ERBB4: variants seen among roughly 807,000 people sequenced by gnomAD.
ERBB4 encodes the protein receptor tyrosine-protein kinase erbB-4.
ERBB4 carries 42 observed loss-of-function variants against 158.0 expected under a neutral mutation model. That is an observed-to-expected ratio of 0.27 (90% confidence interval 0.21 to 0.34). The LOEUF (loss-of-function observed/expected upper bound fraction) is 0.34, where lower values mean the gene tolerates loss of function less well. Among genes scored for constraint, ERBB4 ranks in the 10% least tolerant of loss-of-function variants. ERBB4 has a pLI of 1.00. For missense variants in ERBB4, 1,333 were observed against 1,624.1 expected, an observed-to-expected ratio of 0.82 and a Z score of 3.08; for synonymous variants, 583 against 558.7, an observed-to-expected ratio of 1.04 and a Z score of -0.61.
chr2:211,718,071 C>A (rs941863421), intron 7 of ERBB4, among the ~76,000 whole-genome samples: 1 of 152,026 alleles, frequency 6.6e-6, no homozygotes, highest in Non-Finnish European at 1.5e-5. Flanking sequence ...GCCACCACGA[C>A]CGGATAATTT....
At chr2:212,472,721 T>A (rs978381201) in intron 1 of ERBB4, among the ~76,000 whole-genome samples, 8 of 150,692 alleles carry the variant, frequency 5.3e-5, no homozygotes, top group African/African-American at 1.7e-4. Context: ...AAAAATGTCA[T>A]GTGTTTGCAT....
At chr2:211,429,430 A>C (rs972650076) in intron 21 of ERBB4, among the ~76,000 whole-genome samples, 10 of 152,236 alleles carry the variant, frequency 6.6e-5, no homozygotes, top group Non-Finnish European at 1.2e-4. Flanking sequence ...ACCATTTTCA[A>C]AATAGGAACT....
intron 2 of ERBB4, among the ~76,000 whole-genome samples, chr2:212,097,609 C>G (rs746211478): frequency 1.3e-5 from 2 of 151,956 alleles, no homozygotes; most frequent in East Asian, 1.9e-4. Context: ...ATGAAATATA[C>G]CATACTATCA....
At chr2:211,514,180 A>G (rs980079283) in intron 20 of ERBB4, among the ~76,000 whole-genome samples, 4 of 151,810 alleles carry the variant, frequency 2.6e-5, no homozygotes, top group Non-Finnish European at 5.9e-5. Context: ...TCTATTCTCT[A>G]CCTCCATGAG....
intron 1 of ERBB4, among the ~76,000 whole-genome samples, chr2:212,193,970 C>T (rs1393115509): frequency 4.6e-5 from 7 of 151,830 alleles, no homozygotes; most frequent in Non-Finnish European, 5.9e-5. Flanking sequence ...GACTATGGCA[C>T]AAATGTAATG....
In ERBB4 at chr2:211,866,167, C is replaced by G. The variant is rs574169070; in HGVS notation, c.422-78008G>C. On this transcript the variant is annotated intron_variant, in intron 3 of 27. Transcript: ENST00000342788. ...TCGGGAGGCTGGGGCAGGAGAATCGCCTGTACCCGGGAGGCGGGGCTTGCA... is the reference window on the plus strand; with the variant it reads ...TCGGGAGGCTGGGGCAGGAGAATCGGCTGTACCCGGGAGGCGGGGCTTGCA... 1.6e-3 allele frequency among the ~76,000 whole-genome samples: 238 copies of G among 152,264 alleles called. 1 individual carries two copies. Among genetic ancestry groups the G allele is most frequent in the African/African-American group, 5.5e-3 (227 of 41,544 alleles).
chr2:212,083,633 C>T (rs1159749049), intron 2 of ERBB4, among the ~76,000 whole-genome samples: 2 of 151,346 alleles, frequency 1.3e-5, no homozygotes, highest in African/African-American at 4.8e-5. Context: ...TTATTACCAC[C>T]CCTCCCCCCC....
intron 1 of ERBB4, among the ~76,000 whole-genome samples, chr2:212,388,569 T>C (rs984596165): frequency 6.6e-6 from 1 of 151,932 alleles, no homozygotes; most frequent in Non-Finnish European, 1.5e-5. Flanking sequence ...GTCACGAACA[T>C]TTTCCTCCAG....
At chr2:211,444,508 C>A (rs890595751) in intron 20 of ERBB4, among the ~76,000 whole-genome samples, 3 of 151,968 alleles carry the variant, frequency 2.0e-5, no homozygotes, top group African/African-American at 4.8e-5. Context: ...CTTAGAAATA[C>A]CTTACAAATG....
At chr2:211,530,331 G>A (rs2066461246) in intron 20 of ERBB4, among the ~76,000 whole-genome samples, 1 of 151,958 alleles carries the variant, frequency 6.6e-6, no homozygotes, top group Non-Finnish European at 1.5e-5. Flanking sequence ...AAACACTGAT[G>A]GAAGAAATTG....
chr2:212,071,538 G>GA (rs2078118153), intron 2 of ERBB4, among the ~76,000 whole-genome samples: 2 of 151,892 alleles, frequency 1.3e-5, no homozygotes, highest in African/African-American at 4.8e-5. Flanking sequence ...GAGTACAAAA[G>GA]ACAATAATCT....
At chr2:211,403,828 T>C (rs1289473432) in intron 25 of ERBB4, among the ~76,000 whole-genome samples, 4 of 152,108 alleles carry the variant, frequency 2.6e-5, no homozygotes, top group Non-Finnish European at 5.9e-5. Flanking sequence ...AGCATGGGCT[T>C]TGAAGTAAGC....
intron 1 of ERBB4, among the ~76,000 whole-genome samples, chr2:212,295,943 T>G (rs1559950865): frequency 6.6e-6 from 1 of 152,068 alleles, no homozygotes; most frequent in East Asian, 1.9e-4. Flanking sequence ...AAGCCATATT[T>G]CATGCAGTTA....
intron 19 of ERBB4, among the ~76,000 whole-genome samples, chr2:211,601,050 A>G (rs775797142): frequency 1.3e-5 from 2 of 152,194 alleles, no homozygotes; most frequent in African/African-American, 2.4e-5. Context: ...GGAGGAGACA[A>G]TTCAGGGACT....
At chr2:212,467,185 C>T (rs906716921) in intron 1 of ERBB4, among the ~76,000 whole-genome samples, 1 of 152,128 alleles carries the variant, frequency 6.6e-6, no homozygotes, top group Non-Finnish European at 1.5e-5. Context: ...CCTGAAAATG[C>T]AGTAGAAAAG....
Position 211,981,610 on chromosome 2 carries a change from C to T in ERBB4, c.235-33994G>A, listed in dbSNP as rs542814262. On this transcript the variant is annotated intron_variant, in intron 2 of 27. Transcript: ENST00000342788. ...CTCTGTGGTTTGTTCCTGCCCATTC[C>T]TCAGTATGAAATGGCCTCCCTTACA... Among the ~76,000 whole-genome samples, 5 of 152,276 alleles carry T rather than the reference C, an allele frequency of 3.3e-5. No individual in the cohort carries two copies. The East Asian group carries it at 9.7e-4, about 29-fold the overall frequency.
chr2:212,417,036 G>T (rs540157395), intron 1 of ERBB4, among the ~76,000 whole-genome samples: 34 of 152,082 alleles, frequency 2.2e-4, no homozygotes, highest in Non-Finnish European at 4.0e-4. Context: ...GAGGGAAAAT[G>T]GATTTATACT....
At chr2:211,619,924 G>A (rs1441509928) in intron 18 of ERBB4, among the ~76,000 whole-genome samples, 3 of 152,088 alleles carry the variant, frequency 2.0e-5, no homozygotes, top group Non-Finnish European at 4.4e-5. Context: ...TATTATCTCT[G>A]AAGAAATATA....
At chr2:211,395,983 G>A (rs1411591579) in intron 25 of ERBB4, among the ~76,000 whole-genome samples, 1 of 150,902 alleles carries the variant, frequency 6.6e-6, no homozygotes, top group Non-Finnish European at 1.5e-5. Context: ...TTAAAAATAA[G>A]TAATCTATAA....
Sources: gnomAD v4.1 joint callset for allele counts (sites outside exome capture counted in the v4.1 genomes callset) on GRCh38, gnomAD v4.1.1 for gene constraint, MANE v1.5 for transcripts, NCBI Gene and HGNC (gene_info 2026-07-23, HGNC 2026-07-21) for gene names.